The following NTRK3 variants were observed in gnomAD, a reference collection of about 807,000 sequenced individuals.
NTRK3 encodes neurotrophic receptor tyrosine kinase 3.
A neutral mutation model predicts 91.7 loss-of-function variants in NTRK3; 24 were observed. The observed-to-expected ratio is 0.26, with a 90% CI of 0.19 to 0.37. NTRK3 has a LOEUF of 0.37. NTRK3 is among the 10% of genes least tolerant of loss of function. The pLI is 1.00. For missense variants in NTRK3, 880 were observed against 1,068.9 expected (o/e 0.82, Z 2.46); for synonymous variants, 483 against 404.0 (o/e 1.20, Z -2.34).
intron 3 of NTRK3, among the ~76,000 whole-genome samples, chr15:88,238,157 C>T (rs975357372): frequency 6.6e-6 from 1 of 152,154 alleles, no homozygotes; most frequent in Non-Finnish European, 1.5e-5. Context: ...CCAACCCTGC[C>T]AACACCTTCA....
At chr15:88,027,680 C>G (rs1019664621) in intron 14 of NTRK3, among the ~76,000 whole-genome samples, 14 of 152,326 alleles carry the variant, frequency 9.2e-5, no homozygotes, top group East Asian at 1.9e-4. Flanking sequence ...CCGTGCCTGG[C>G]CCCTCTCTGA....
In NTRK3 at chr15:88,183,520, G is replaced by A. The variant is rs747817745; in HGVS notation, c.324-31C>T. 4 of 1,600,366 alleles carry A rather than the reference G, an allele frequency of 2.5e-6. No homozygotes were observed. In the Admixed American group the frequency reaches 5.0e-5, roughly 20 times the overall value. ...CAGAGAGAAAAAGAGGATCAGCAGA[G>A]CTCAAGTGGCAGAGGGATATCTGCT... On this transcript the variant is annotated intron_variant, in intron 4 of 18. Transcript: ENST00000394480.
intron 13 of NTRK3, among the ~76,000 whole-genome samples, chr15:88,050,611 C>T (rs2080739155): frequency 6.6e-6 from 1 of 152,036 alleles, no homozygotes; most frequent in African/African-American, 2.4e-5. Context: ...AAAATCCACT[C>T]AGGGATCAGG....
chr15:87,949,265 C>G (rs760924341), intron 14 of NTRK3, among the ~76,000 whole-genome samples: 1 of 151,980 alleles, frequency 6.6e-6, no homozygotes, highest in Non-Finnish European at 1.5e-5. Context: ...GAGAATGGCC[C>G]GAGGAACCAA....
At chr15:87,934,505 C>T (rs769063948) in intron 15 of NTRK3, among the ~76,000 whole-genome samples, 1 of 152,158 alleles carries the variant, frequency 6.6e-6, no homozygotes, top group Non-Finnish European at 1.5e-5. Flanking sequence ...TTTCTCCTGT[C>T]CCTGCAGCCC....
At chr15:88,079,432 CA>C (rs2047853839) in intron 13 of NTRK3, among the ~76,000 whole-genome samples, 1 of 152,138 alleles carries the variant, frequency 6.6e-6, no homozygotes, top group Admixed American at 6.5e-5. Flanking sequence ...CAGACAAGTA[CA>C]GAGAGGAATT....
chr15:88,008,175 A>G (rs2076622626), intron 14 of NTRK3, among the ~76,000 whole-genome samples: 1 of 152,180 alleles, frequency 6.6e-6, no homozygotes, highest in African/African-American at 2.4e-5. Context: ...CAGAGAGCAA[A>G]TACACTCCCA....
chr15:87,983,794 T>G (rs75538366), intron 14 of NTRK3, among the ~76,000 whole-genome samples: 4,576 of 152,202 alleles, frequency 0.03, 247 homozygotes, highest in African/African-American at 0.1. Context: ...GACGTTCTCT[T>G]GGGGGAACAG....
intron 3 of NTRK3, among the ~76,000 whole-genome samples, chr15:88,242,335 C>T (rs1281008882): frequency 6.6e-6 from 1 of 152,218 alleles, no homozygotes; most frequent in Non-Finnish European, 1.5e-5. Flanking sequence ...CTTGACAACT[C>T]ACTCTACTGT....
At chr15:88,055,256 T>C (rs1175932968) in intron 13 of NTRK3, among the ~76,000 whole-genome samples, 1 of 152,170 alleles carries the variant, frequency 6.6e-6, no homozygotes, top group Admixed American at 6.5e-5. Context: ...AGAAGATCTG[T>C]GCCACTTAAA....
chr15:88,017,330 G>C (rs1403582518), intron 14 of NTRK3, among the ~76,000 whole-genome samples: 3 of 152,154 alleles, frequency 2.0e-5, no homozygotes, highest in African/African-American at 7.2e-5. Flanking sequence ...TTTAGACCTA[G>C]GATACAAGGA....
At chr15:87,999,644 T>C (rs902063778) in intron 14 of NTRK3, among the ~76,000 whole-genome samples, 1 of 152,120 alleles carries the variant, frequency 6.6e-6, no homozygotes, top group Non-Finnish European at 1.5e-5. Context: ...CTGCTGTGGA[T>C]AGGGGCATGA....
rs543074580 is a variant in NTRK3 at position 88,062,697 on chromosome 15, C to CT, written c.1397-29653_1397-29652insA. Among the ~76,000 whole-genome samples, 178 of 152,352 alleles carry CT rather than the reference C, an allele frequency of 1.2e-3. No individual in the cohort carries two copies. The South Asian group carries it at 0.017, about 15-fold the overall frequency. ...CAAAACAGAAGTAAATGTCCATTTT[C>CT]AAAAAGCCATTGTTATTTGGAGCTT... On this transcript the variant is annotated intron_variant, in intron 13 of 18. Transcript: ENST00000394480.
At chr15:88,091,506 G>A (rs1275443899) in intron 13 of NTRK3, among the ~76,000 whole-genome samples, 1 of 152,210 alleles carries the variant, frequency 6.6e-6, no homozygotes, top group African/African-American at 2.4e-5. Flanking sequence ...GAAGTATTCT[G>A]TGCCTGATTT....
chr15:88,111,464 G>C (rs1028782291), intron 13 of NTRK3, among the ~76,000 whole-genome samples: 1 of 152,198 alleles, frequency 6.6e-6, no homozygotes. Flanking sequence ...ACTGATAAGA[G>C]GACAGTATGA....
intron 13 of NTRK3, among the ~76,000 whole-genome samples, chr15:88,037,493 C>T (rs1243606155): frequency 6.6e-6 from 1 of 152,072 alleles, no homozygotes; most frequent in Non-Finnish European, 1.5e-5. Context: ...ACCTGGTAGT[C>T]GGAGATTGCA....
intron 5 of NTRK3, among the ~76,000 whole-genome samples, chr15:88,149,530 C>T (rs1697766651): frequency 6.6e-6 from 1 of 152,218 alleles, no homozygotes; most frequent in African/African-American, 2.4e-5. Context: ...ACACCTAAGC[C>T]ATCCATCATG....
At chr15:87,927,592 A>G (rs1244941915) in intron 17 of NTRK3, 1 of 152,196 alleles carries the variant, frequency 6.6e-6, no homozygotes, top group Non-Finnish European at 1.5e-5. Context: ...AAACAGCCCC[A>G]AGGTAATGGT....
In NTRK3 at chr15:88,061,934, G is replaced by A. The variant is rs530185833; in HGVS notation, c.1397-28889C>T. Among the ~76,000 whole-genome samples, 5 of 152,250 alleles carry A rather than the reference G, an allele frequency of 3.3e-5. No individual in the cohort carries two copies. In the South Asian group the frequency reaches 1.0e-3, roughly 32 times the overall value. On this transcript the variant is annotated intron_variant, in intron 13 of 18. Transcript: ENST00000394480. Reference sequence around the variant, plus strand: ...GTAATAATAGGACAATCGACCTTCGGTATCTGTGGGTTCCACATCTGCAGA... The same window carrying A: ...GTAATAATAGGACAATCGACCTTCGATATCTGTGGGTTCCACATCTGCAGA...
Sources: allele counts gnomAD v4.1 joint callset (sites outside exome capture counted in the v4.1 genomes callset), GRCh38; gene constraint gnomAD v4.1.1; transcripts MANE v1.5; gene names NCBI Gene and HGNC (gene_info 2026-07-23, HGNC 2026-07-21).